ZMYM2: variants seen among roughly 807,000 people sequenced by gnomAD.
The protein encoded by ZMYM2 is zinc finger MYM-type protein 2.
In ZMYM2, 56 loss-of-function variants were observed where a neutral mutation model predicts 162.8. The ratio of observed to expected loss-of-function variants is 0.34; its 90% CI spans 0.28 to 0.43. The LOEUF is 0.43. ZMYM2 is among the 20% of genes least tolerant of loss of function. The pLI is 1.00. For synonymous variants in ZMYM2, 510 were observed against 541.6 expected (o/e 0.94, Z 0.81); for missense variants, 1,275 against 1,621.8 (o/e 0.79, Z 3.67).
chr13:20,030,086 C>T (rs1421796044), intron 9 of ZMYM2, among the ~76,000 whole-genome samples: 2 of 151,724 alleles, frequency 1.3e-5, no homozygotes, highest in East Asian at 1.9e-4. Flanking sequence ...TGAGCTATGA[C>T]GTCCAGTCTG....
chr13:19,992,565 A>AC (rs999346685), intron 2 of ZMYM2, among the ~76,000 whole-genome samples: 4 of 151,970 alleles, frequency 2.6e-5, no homozygotes, highest in African/African-American at 7.2e-5. Context: ...GTCCTTCCCC[A>AC]CCCCCCAAAA....
chr13:19,899,866 C>CCA, the ZMYM2 span, among the ~76,000 whole-genome samples: 1 of 118,794 alleles, frequency 8.4e-6, no homozygotes, highest in Admixed American at 8.3e-5. Context: ...ATCAATAAAA[C>CCA]CAAGAATGAG....
chr13:19,965,234 A>T, intron 2 of ZMYM2: 1 of 1,299,452 alleles, frequency 7.7e-7, no homozygotes, highest in East Asian at 4.7e-5. Flanking sequence ...ACATGTGTAT[A>T]TTACTCTCTG....
intron 7 of ZMYM2, chr13:20,020,023 G>A (rs1259508542): frequency 1.2e-5 from 2 of 164,114 alleles, no homozygotes; most frequent in African/African-American, 4.8e-5. Flanking sequence ...AAATGAATTA[G>A]TAATGAGTAA....
intron 3 of ZMYM2, among the ~76,000 whole-genome samples, chr13:20,001,144 C>T (rs1172551347): frequency 6.6e-6 from 1 of 152,144 alleles, no homozygotes; most frequent in Non-Finnish European, 1.5e-5. Context: ...GTAATCCCAG[C>T]ACTTTGGGTG....
the ZMYM2 span, among the ~76,000 whole-genome samples, chr13:19,903,122 C>T: frequency 6.6e-6 from 1 of 152,084 alleles, no homozygotes; most frequent in Admixed American, 6.6e-5. Context: ...TGTCATTGCA[C>T]TCTAGCCTGG....
At chr13:19,981,305 AAAAAAAAAC>A (rs1566208167) in intron 2 of ZMYM2, among the ~76,000 whole-genome samples, 2 of 140,986 alleles carry the variant, frequency 1.4e-5, no homozygotes, top group African/African-American at 6.2e-5. Flanking sequence ...AAACAAACAA[AAAAAAAAAC>A]AAAAAACAAA....
chr13:19,885,108 C>T, the ZMYM2 span, among the ~76,000 whole-genome samples: 1 of 152,162 alleles, frequency 6.6e-6, no homozygotes. Flanking sequence ...AGTCCCCACC[C>T]GACCCAGAGG....
At chr13:19,908,174 G>C in the ZMYM2 span, among the ~76,000 whole-genome samples, 14 of 151,906 alleles carry the variant, frequency 9.2e-5, 1 homozygote, top group East Asian at 2.1e-3. Context: ...TGTATTCCCA[G>C]CTACTCAAGA....
chr13:20,029,167 A>G (rs1329472652), intron 9 of ZMYM2, among the ~76,000 whole-genome samples: 1 of 152,234 alleles, frequency 6.6e-6, no homozygotes, highest in Non-Finnish European at 1.5e-5. Flanking sequence ...TAAGTCCAAG[A>G]TAAGGCACTG....
the ZMYM2 span, among the ~76,000 whole-genome samples, chr13:19,871,075 GA>G: frequency 6.6e-6 from 1 of 151,338 alleles, no homozygotes; most frequent in South Asian, 2.1e-4. Context: ...GCAGAAAGGA[GA>G]AAAAAAATAA....
the ZMYM2 span, among the ~76,000 whole-genome samples, chr13:19,938,094 T>C: frequency 1.3e-5 from 2 of 152,180 alleles, no homozygotes; most frequent in African/African-American, 2.4e-5. Context: ...CCATTGTGAA[T>C]AGTGCTGCAA....
In ZMYM2 at chr13:20,067,005, A is replaced by T. The variant is rs1172653142; in HGVS notation, c.3287A>T (p.Asp1096Val). Residue 1096 changes from aspartate to valine, a missense_variant, in exon 20 of 25, where the codon GAT becomes GTT. Physicochemically the swap from Asp to Val is radical, Grantham distance 152. Around this residue, in one of 10 missense-constraint regions of ZMYM2, gnomAD observed 229 missense variants for 283.8 expected, o/e 0.81. Coordinates refer to ENST00000610343, the MANE Select transcript of ZMYM2 (RefSeq NM_197968.4). ...RQLDEDLLVL[D>V]ELKSSKSVKL... ...CTTGATGAAGATCTTCTGGTATTAG[A>T]TGAGTTAAAATCTTGTAAGTGTTTT... 1.2e-6 allele frequency: 2 copies of T among 1,605,104 alleles called. No individual in the cohort carries two copies. The highest frequency in any genetic ancestry group is 1.7e-6 in the Non-Finnish European group (2 of 1,176,954).
upstream of ZMYM2, among the ~76,000 whole-genome samples, chr13:19,956,754 G>T (rs925719119): frequency 6.6e-6 from 1 of 152,168 alleles, no homozygotes; most frequent in Non-Finnish European, 1.5e-5. Flanking sequence ...AGCTTATTTG[G>T]AAGTATTAGT....
chr13:19,980,955 T>C (rs1957265513), intron 2 of ZMYM2, among the ~76,000 whole-genome samples: 1 of 151,908 alleles, frequency 6.6e-6, no homozygotes, highest in African/African-American at 2.4e-5. Flanking sequence ...TTGGTATTAG[T>C]ACCGTGATGA....
chr13:20,040,043 GTTTTC>G (rs1170831525), intron 12 of ZMYM2, among the ~76,000 whole-genome samples: 1 of 152,134 alleles, frequency 6.6e-6, no homozygotes, highest in Non-Finnish European at 1.5e-5. Context: ...TTGACTTGAA[GTTTTC>G]TTTTCTGGTT....
At chr13:20,027,005 T>A (rs1408297651) in intron 8 of ZMYM2, among the ~76,000 whole-genome samples, 198 bp from the exon 9 acceptor site, 1 of 152,146 alleles carries the variant, frequency 6.6e-6, no homozygotes, top group Non-Finnish European at 1.5e-5. Context: ...TTTTTCTCTA[T>A]ATCTATGTAT....
chr13:19,896,372 G>T, the ZMYM2 span, among the ~76,000 whole-genome samples: 1 of 150,912 alleles, frequency 6.6e-6, no homozygotes, highest in Non-Finnish European at 1.5e-5. Flanking sequence ...TCGAACTCCT[G>T]ACCTCAGGTG....
At chr13:20,022,641 A>T (rs959512357) in intron 7 of ZMYM2, among the ~76,000 whole-genome samples, 6 of 152,262 alleles carry the variant, frequency 3.9e-5, no homozygotes, top group South Asian at 2.1e-4. Context: ...GTAAAACATG[A>T]TGGTATATAC....
Sources: allele counts gnomAD v4.1 joint callset (sites outside exome capture counted in the v4.1 genomes callset), GRCh38; gene constraint gnomAD v4.1.1; regional missense constraint gnomAD v4.1.1; transcripts MANE v1.5; gene names NCBI Gene and HGNC (gene_info 2026-07-23, HGNC 2026-07-21).